Variants in NLRC4 observed in about 807,000 individuals in gnomAD.
The protein encoded by NLRC4 is NLR family CARD domain containing 4, also known as NLR family CARD domain-containing protein 4.
Under a neutral mutation model 79.9 loss-of-function variants are expected in NLRC4, and 63 were observed. The ratio of observed to expected loss-of-function variants is 0.79; its 90% CI spans 0.64 to 0.97. The LOEUF (loss-of-function observed/expected upper bound fraction) is 0.97. Among genes scored for constraint, NLRC4 ranks in the 50% least tolerant of loss-of-function variants. The pLI is 0.00. For synonymous variants in NLRC4, 461 were observed against 456.5 expected, an observed-to-expected ratio of 1.01 and a Z score of -0.12; for missense variants, 1,074 against 1,215.2, an observed-to-expected ratio of 0.88 and a Z score of 1.73.
chr2:32,260,213 C>CAAAAAAAAAAAAAAAAAAAAA (rs1197388989), intron 1 of NLRC4, among the ~76,000 whole-genome samples: 1 of 75,078 alleles, frequency 1.3e-5, no homozygotes, highest in Non-Finnish European at 2.3e-5. Context: ...TGGGCAACGA[C>CAAAAAAAAAAAAAAAAAAAAA]AAAAAAAAAA....
At position 32,251,484 on chromosome 2, in the gene NLRC4, A is replaced by G. The variant is rs369074805; in HGVS notation, c.380T>C (p.Ile127Thr). 2.2e-5 allele frequency: 36 copies of G among 1,614,048 alleles called. No individual in the cohort carries two copies. Among genetic ancestry groups the G allele is most frequent in the Non-Finnish European group, 2.8e-5 (33 of 1,180,014 alleles). ...TGTGAAGGTGCTTTTCAAGTTAAAA[A>G]TAATGTCAATATCTTCACCAAGGGG... ...FYPLGEDIDI[I>T]FNLKSTFTEP... The change falls in exon 4 of 9, where the codon ATT becomes ACT. Residue 127 changes from isoleucine (I) to threonine (T), a missense_variant. By Grantham distance (89) the Ile-to-Thr change is moderately conservative. Coordinates refer to ENST00000402280, the MANE Select transcript of NLRC4 (RefSeq NM_001199138.2).
At position 32,236,286 on chromosome 2, in the gene NLRC4, A is replaced by T; in HGVS notation, c.2575T>A (p.Tyr859Asn). The T allele has an allele frequency of 6.2e-7, 1 of 1,612,202 alleles. No homozygotes were observed. The highest frequency in any genetic ancestry group is 8.5e-7 in the Non-Finnish European group (1 of 1,179,012). ...KLSILDLSEN[Y>N]LEKDGNEALH... ...GCTTCATTTCCATCTTTTTCCAGGT[A>T]ATTTTCTGATAAATCAAGAATGCTC... The change falls in exon 7 of 9, where the codon TAC becomes AAC. Residue 859 changes from tyrosine (Y) to asparagine (N), a missense_variant. Tyr to Asn is a moderately radical substitution (Grantham distance 143). Coordinates refer to ENST00000402280, the MANE Select transcript of NLRC4 (RefSeq NM_001199138.2).
intron 8 of NLRC4, among the ~76,000 whole-genome samples, chr2:32,229,371 G>T (rs1340460841): frequency 6.6e-6 from 1 of 152,142 alleles, no homozygotes; most frequent in Non-Finnish European, 1.5e-5. Context: ...GGCTGAGGCA[G>T]GAGAATCACT....
At chr2:32,243,858 A>C (rs1003748881) in intron 4 of NLRC4, among the ~76,000 whole-genome samples, 10 of 152,100 alleles carry the variant, frequency 6.6e-5, no homozygotes, top group African/African-American at 2.4e-4. Context: ...GGAATGCAGG[A>C]TGCTCAATAT....
chr2:32,225,445 G>GTA (rs1225912714), intron 8 of NLRC4, among the ~76,000 whole-genome samples: 1 of 136,086 alleles, frequency 7.3e-6, no homozygotes, highest in Non-Finnish European at 1.6e-5. Flanking sequence ...GTGTGTGTGT[G>GTA]TATACATACA....
chr2:32,251,592 T>G lies in NLRC4; in HGVS notation c.272A>C (p.His91Pro), dbSNP rs1351575026. ...GTCCAAGTCTCCTTCTGATGTCTGA[T>G]GAAAAAGACCTATTAGAGAAGAGGT... Reference protein sequence around the residue: ...FQDLNGQSLFHQTSEGDLDDL... With the variant: ...FQDLNGQSLFPQTSEGDLDDL... The change falls in exon 4 of 9, where the codon CAT becomes CCT. Residue 91 changes from histidine to proline, a missense_variant. By Grantham distance (77) the His-to-Pro change is moderately conservative (BLOSUM62 -2). Transcript: ENST00000402280. 1 of 1,590,938 alleles carries G rather than the reference T, an allele frequency of 6.3e-7. No individual in the cohort carries two copies. The highest frequency in any genetic ancestry group is 8.5e-7 in the Non-Finnish European group (1 of 1,169,688).
At chr2:32,262,409 T>C (rs1014029358) in intron 1 of NLRC4, among the ~76,000 whole-genome samples, 1 of 152,214 alleles carries the variant, frequency 6.6e-6, no homozygotes, top group African/African-American at 2.4e-5. Context: ...AGTTTTTAAT[T>C]GCTCTCAAGA....
chr2:32,229,066 G>GGCTGGATAGCA (rs1384371753), intron 8 of NLRC4, among the ~76,000 whole-genome samples: 2 of 151,976 alleles, frequency 1.3e-5, no homozygotes, highest in African/African-American at 4.8e-5. Context: ...TTTGAGAACA[G>GGCTGGATAGCA]GCTGGATAGC....
chr2:32,228,508 C>T (rs956375502), intron 8 of NLRC4, among the ~76,000 whole-genome samples: 1 of 152,080 alleles, frequency 6.6e-6, no homozygotes, highest in African/African-American at 2.4e-5. Flanking sequence ...AACAGCCTCC[C>T]ACAAGGAAGA....
At chr2:32,262,013 G>A (rs1336338551) in intron 1 of NLRC4, among the ~76,000 whole-genome samples, 7 of 152,052 alleles carry the variant, frequency 4.6e-5, no homozygotes, top group Admixed American at 2.0e-4. Flanking sequence ...CCAGGGAGGC[G>A]GAGGTTGCAG....
intron 8 of NLRC4, among the ~76,000 whole-genome samples, chr2:32,231,493 A>C (rs573838329): frequency 7.0e-6 from 1 of 143,292 alleles, no homozygotes; most frequent in Non-Finnish European, 1.5e-5. Flanking sequence ...GAAGTCCTTT[A>C]TTAGATAATG....
chr2:32,243,864 A>T (rs1686864950), intron 4 of NLRC4, among the ~76,000 whole-genome samples: 1 of 152,102 alleles, frequency 6.6e-6, no homozygotes, highest in African/African-American at 2.4e-5. Context: ...CAGGATGCTC[A>T]ATATGTGGAA....
chr2:32,250,531 A>T lies in NLRC4; in HGVS notation c.1333T>A (p.Ser445Thr). 6.2e-7 allele frequency: 1 copy of T among 1,614,208 alleles called. No homozygotes were observed. Among genetic ancestry groups the T allele is most frequent in the Non-Finnish European group, 8.5e-7 (1 of 1,180,038 alleles). ...CGTCCTGCTGTGTACTCCTGGAATG[A>T]CTTGTGAAAGAATTTATACTTTGGC... is the stretch of plus-strand genomic sequence containing the variant. Reference protein sequence around the residue: ...FKPKYKFFHKSFQEYTAGRRL... With the variant: ...FKPKYKFFHKTFQEYTAGRRL... Residue 445 changes from serine (S) to threonine (T), a missense_variant, in exon 4 of 9, where the codon TCA becomes ACA. By Grantham distance (58) the Ser-to-Thr change is moderately conservative. Coordinates refer to ENST00000402280, the MANE Select transcript of NLRC4 (RefSeq NM_001199138.2). This position sits in a 1 kb window ranked among gnomAD's most constrained non-coding sequence, Gnocchi z 4.9.
Position 32,250,750 on chromosome 2 carries a change from G to A in NLRC4, c.1114C>T (p.Gln372Ter). 1 of 1,614,186 alleles carries A rather than the reference G, an allele frequency of 6.2e-7. No homozygotes were observed. Among genetic ancestry groups the A allele is most frequent in the Non-Finnish European group, 8.5e-7 (1 of 1,180,014 alleles). Residue 372 changes from glutamine (Q) to a stop codon, truncating the protein, a stop_gained, in exon 4 of 9, where the codon CAG (glutamine) becomes TAG (stop). Coordinates refer to ENST00000402280, the MANE Select transcript of NLRC4 (RefSeq NM_001199138.2). LOFTEE classifies it high-confidence loss of function. The surrounding 1 kb of genome is among the most constrained non-coding windows in gnomAD (Gnocchi z 4.9). ...CCTTTATGTTTGTGTTTGTTTTTCTGTATCAACAGATCATAGAAGGTATGG... is the reference window on the plus strand; with the variant it reads ...CCTTTATGTTTGTGTTTGTTTTTCTATATCAACAGATCATAGAAGGTATGG... Reference protein sequence around the residue: ...LFHTFYDLLIQKNKHKHKGVA... With the variant: ...LFHTFYDLLI
intron 4 of NLRC4, among the ~76,000 whole-genome samples, chr2:32,243,282 C>T (rs947200000): frequency 2.0e-5 from 3 of 148,678 alleles, no homozygotes; most frequent in South Asian, 2.1e-4. Context: ...TAGTGGCAGG[C>T]GCCTGTAATC....
intron 7 of NLRC4, 67 bp downstream of exon 7, chr2:32,236,180 G>T: frequency 1.0e-6 from 1 of 958,102 alleles, no homozygotes; most frequent in East Asian, 2.5e-5. Flanking sequence ...CAGGACCCAG[G>T]CTATGTATTT....
chr2:32,236,159 AT>A (rs1686667524), intron 7 of NLRC4, 87 bp downstream of exon 7: 2 of 773,016 alleles, frequency 2.6e-6, no homozygotes, highest in African/African-American at 3.5e-5. Context: ...ACACATGGGT[AT>A]AAAAGACCTC....
At chr2:32,238,758 C>T (rs895120479) in intron 5 of NLRC4, among the ~76,000 whole-genome samples, 2 of 152,058 alleles carry the variant, frequency 1.3e-5, no homozygotes, top group Non-Finnish European at 2.9e-5. Context: ...TGCCTGGACT[C>T]ATGATATGGG....
intron 4 of NLRC4, among the ~76,000 whole-genome samples, chr2:32,243,753 G>A (rs191529887): frequency 3.3e-4 from 49 of 146,384 alleles, no homozygotes; most frequent in African/African-American, 1.0e-3. Context: ...AGCCGAGATC[G>A]CATCATTGCA....
Sources: gnomAD v4.1 joint callset for allele counts (sites outside exome capture counted in the v4.1 genomes callset) on GRCh38, gnomAD v4.1.1 for gene constraint, Gnocchi (gnomAD v3.1) non-coding constraint, MANE v1.5 for transcripts, NCBI Gene and HGNC (gene_info 2026-07-23, HGNC 2026-07-21) for gene names.